Variants in SLC25A26 observed in about 807,000 individuals in gnomAD.
SLC25A26 encodes the protein solute carrier family 25 member 26, also known as mitochondrial S-adenosylmethionine carrier protein.
A neutral mutation model predicts 37.8 loss-of-function variants in SLC25A26; 36 were observed. The observed-to-expected ratio is 0.95, with a 90% CI of 0.73 to 1.26. SLC25A26 has a LOEUF of 1.26. Among genes scored for constraint, SLC25A26 ranks in the 50% most tolerant of loss-of-function variants. SLC25A26 has a pLI of 0.00. For synonymous variants in SLC25A26, 129 were observed against 122.5 expected (o/e 1.05, Z -0.35); for missense variants, 390 against 331.1 (o/e 1.18, Z -1.38).
chr3:66,235,264 C>T (rs1036054266), intron 1 of SLC25A26, among the ~76,000 whole-genome samples: 18 of 152,188 alleles, frequency 1.2e-4, no homozygotes, highest in East Asian at 3.9e-4. Flanking sequence ...TAAGGTGTAA[C>T]GAGTTTAAAA....
At chr3:66,144,610 CAA>C (rs2070087598) in intron 1 of SLC25A26, among the ~76,000 whole-genome samples, 1 of 151,982 alleles carries the variant, frequency 6.6e-6, no homozygotes, top group African/African-American at 2.4e-5. Context: ...ACCATAATGC[CAA>C]AGATTGTCTA....
intron 5 of SLC25A26, among the ~76,000 whole-genome samples, chr3:66,320,908 A>G (rs1417764795): frequency 6.6e-6 from 1 of 152,216 alleles, no homozygotes; most frequent in Admixed American, 6.5e-5. Flanking sequence ...ATTTTAAAAC[A>G]TTTATATAAT....
chr3:66,255,584 A>C, intron 3 of SLC25A26, among the ~76,000 whole-genome samples: 1 of 152,026 alleles, frequency 6.6e-6, no homozygotes, highest in Non-Finnish European at 1.5e-5. Context: ...TTTAGTGAAA[A>C]TGCCACCATT....
At chr3:66,335,660 T>A (rs1428286337) in intron 5 of SLC25A26, among the ~76,000 whole-genome samples, 1 of 152,152 alleles carries the variant, frequency 6.6e-6, no homozygotes, top group Non-Finnish European at 1.5e-5. Context: ...GTATCGAGTG[T>A]CCTGTTAGGT....
chr3:66,255,651 A>G (rs908659654), intron 3 of SLC25A26, among the ~76,000 whole-genome samples: 5 of 152,230 alleles, frequency 3.3e-5, no homozygotes, highest in African/African-American at 9.6e-5. Context: ...TGCTTTACAG[A>G]ATGGATTTAC....
chr3:66,273,587 C>G (rs1294566002), intron 5 of SLC25A26, among the ~76,000 whole-genome samples: 1 of 152,156 alleles, frequency 6.6e-6, no homozygotes, highest in Non-Finnish European at 1.5e-5. Context: ...ACAAAAATCA[C>G]AAGCATTCTT....
At chr3:66,181,780 C>CTTTTT (rs922019884) in intron 1 of SLC25A26, among the ~76,000 whole-genome samples, 19 of 97,020 alleles carry the variant, frequency 2.0e-4, no homozygotes, top group African/African-American at 3.7e-4. Flanking sequence ...CTCCCCTTGT[C>CTTTTT]TTTTTTTTTT....
intron 1 of SLC25A26, among the ~76,000 whole-genome samples, chr3:66,199,921 A>G (rs1314298370): frequency 6.6e-6 from 1 of 152,172 alleles, no homozygotes; most frequent in Non-Finnish European, 1.5e-5. Context: ...ATGCACCCTC[A>G]TCACTAAGCT....
chr3:66,366,528 A>C (rs1241808834), intron 7 of SLC25A26, among the ~76,000 whole-genome samples: 1 of 152,252 alleles, frequency 6.6e-6, no homozygotes, highest in Non-Finnish European at 1.5e-5. Context: ...CTATTGAAGC[A>C]TACATGTTTC....
intron 1 of SLC25A26, among the ~76,000 whole-genome samples, chr3:66,202,423 A>G (rs1296428358): frequency 6.6e-6 from 1 of 152,042 alleles, no homozygotes; most frequent in African/African-American, 2.4e-5. Context: ...TGTGGGGCTT[A>G]AAACCTAGAT....
chr3:66,337,128 T>A (rs1377266205), intron 5 of SLC25A26, among the ~76,000 whole-genome samples: 1 of 152,164 alleles, frequency 6.6e-6, no homozygotes, highest in Non-Finnish European at 1.5e-5. Flanking sequence ...TGCATTACAG[T>A]CACTCACTTC....
intron 1 of SLC25A26, among the ~76,000 whole-genome samples, chr3:66,178,405 C>T (rs1275553251): frequency 3.3e-5 from 5 of 152,136 alleles, no homozygotes; most frequent in East Asian, 1.9e-4. Flanking sequence ...GTTCCATCCC[C>T]GCCTCCTGGG....
intron 3 of SLC25A26, among the ~76,000 whole-genome samples, chr3:66,249,560 G>A (rs2072997789): frequency 6.6e-6 from 1 of 152,318 alleles, no homozygotes; most frequent in South Asian, 2.1e-4. Context: ...ATCTTCACTG[G>A]CCTTTTCTAA....
intron 5 of SLC25A26, among the ~76,000 whole-genome samples, chr3:66,330,949 G>T (rs904588889): frequency 2.0e-5 from 3 of 152,018 alleles, no homozygotes; most frequent in Non-Finnish European, 4.4e-5. Context: ...CTTGGGTAGT[G>T]ATTTGTGAGA....
intron 1 of SLC25A26, among the ~76,000 whole-genome samples, chr3:66,172,222 GCAA>G: frequency 6.6e-6 from 1 of 151,962 alleles, no homozygotes; most frequent in African/African-American, 2.4e-5. Context: ...ACCAGCCTGA[GCAA>G]CACGGCAAAA....
intron 5 of SLC25A26, among the ~76,000 whole-genome samples, chr3:66,313,296 T>A (rs1559687888): frequency 6.6e-6 from 1 of 152,114 alleles, no homozygotes; most frequent in Non-Finnish European, 1.5e-5. Flanking sequence ...CTTGAGTTAA[T>A]TTTTATATAA....
chr3:66,365,132 C>A (rs1262770452), intron 7 of SLC25A26, among the ~76,000 whole-genome samples: 1 of 152,164 alleles, frequency 6.6e-6, no homozygotes. Context: ...TGAAGGATGT[C>A]TTGTGAAGTC....
chr3:66,248,831 C>A (rs1209413935), intron 3 of SLC25A26, among the ~76,000 whole-genome samples: 1 of 152,216 alleles, frequency 6.6e-6, no homozygotes, highest in African/African-American at 2.4e-5. Context: ...TCTCCCCATA[C>A]TTCACCATCA....
chr3:66,284,954 T>C (rs1455990431), intron 5 of SLC25A26, among the ~76,000 whole-genome samples: 2 of 152,126 alleles, frequency 1.3e-5, no homozygotes, highest in African/African-American at 4.8e-5. Context: ...TAAAGCTAAT[T>C]TATATGGTTT....
Sources: allele counts gnomAD v4.1 joint callset (sites outside exome capture counted in the v4.1 genomes callset), GRCh38; gene constraint gnomAD v4.1.1; transcripts MANE v1.5; gene names NCBI Gene and HGNC (gene_info 2026-07-23, HGNC 2026-07-21).